The following CMTM6 variants were observed in gnomAD, a reference collection of about 807,000 sequenced individuals.
CMTM6 encodes the protein CKLF-like MARVEL transmembrane domain-containing protein 6.
A neutral mutation model predicts 13.6 loss-of-function variants in CMTM6; 5 were observed. That is an observed-to-expected ratio of 0.37 (90% CI 0.19 to 0.77). The LOEUF (loss-of-function observed/expected upper bound fraction) is 0.77. Among genes scored for constraint, CMTM6 ranks in the 30% least tolerant of loss-of-function variants. The pLI is 0.50. For synonymous variants in CMTM6, 99 were observed against 84.5 expected (o/e 1.17, Z -0.94); for missense variants, 196 against 218.6 (o/e 0.90, Z 0.65).
In CMTM6 at chr3:32,483,247, T is replaced by TA. The variant is rs1237565215; in HGVS notation, c.*712dup. ...ATGTGTTACAAAACAATCTTTTTTTTACTTGACATCAACAACCAAGGTGCA... is the reference window on the plus strand; with the variant it reads ...ATGTGTTACAAAACAATCTTTTTTTTAACTTGACATCAACAACCAAGGTGCA... On this transcript the variant is annotated 3_prime_UTR_variant, in exon 4 of 4. Transcript: ENST00000205636. 2 of 152,660 alleles carry TA rather than the reference T, an allele frequency of 1.3e-5. No individual in the cohort carries two copies. The highest frequency in any genetic ancestry group is 4.8e-5 in the African/African-American group (2 of 41,464). 9.5% of individuals were successfully genotyped at this position (152,660 alleles called of 1,614,324 possible).
chr3:32,486,535 C>T (rs1457736628), intron 3 of CMTM6, among the ~76,000 whole-genome samples: 1 of 152,176 alleles, frequency 6.6e-6, no homozygotes, highest in Non-Finnish European at 1.5e-5. Context: ...AGCATATGTA[C>T]AGCACTACCT....
Position 32,487,930 on chromosome 3 carries a change from G to T in CMTM6, c.414+8C>A. ...AAATAAGCAATGTTAAAAATACAAGGTACTTACAATTGCAGCAATCTCAGC... is the reference window on the plus strand; with the variant it reads ...AAATAAGCAATGTTAAAAATACAAGTTACTTACAATTGCAGCAATCTCAGC... On this transcript the variant is annotated splice_region_variant and intron_variant, in intron 3 of 3. Transcript: ENST00000205636. 1 of 1,590,746 alleles carries T rather than the reference G, an allele frequency of 6.3e-7. No homozygotes were observed. Among genetic ancestry groups the T allele is most frequent in the Non-Finnish European group, 8.6e-7 (1 of 1,160,108 alleles).
rs919892174 is a variant in CMTM6, at chr3:32,483,649, G to A, written c.*311C>T. 1.1e-5 allele frequency: 2 copies of A among 188,714 alleles called. No individual in the cohort carries two copies. The highest frequency in any genetic ancestry group is 2.2e-5 in the Non-Finnish European group (2 of 92,840). 11.7% of individuals were successfully genotyped at this position (188,714 alleles called of 1,614,324 possible). ...GCTAAGCCTAGTAAAAGAATGACCT[G>A]TAACAGAATGACAGAATCATTTATC... On this transcript the variant is annotated 3_prime_UTR_variant, in exon 4 of 4. Coordinates refer to ENST00000205636, the MANE Select transcript of CMTM6 (RefSeq NM_017801.3).
rs140233990 is a variant in CMTM6, at chr3:32,484,277, A to G, written c.415-180T>C. Among the ~76,000 whole-genome samples, 785 of 152,338 alleles carry G rather than the reference A, an allele frequency of 5.2e-3. 10 individuals carry two copies. The highest frequency in any genetic ancestry group is 0.018 in the African/African-American group (736 of 41,586). ...CATCAAAAAATGGAAAGAAGTTATA[A>G]AAGAAAAACTTCCAGAATAATGGCT... On this transcript the variant is annotated intron_variant, in intron 3 of 3. Coordinates refer to ENST00000205636, the MANE Select transcript of CMTM6 (RefSeq NM_017801.3).
chr3:32,489,411 G>C (rs1452912455), intron 2 of CMTM6, among the ~76,000 whole-genome samples: 1 of 152,018 alleles, frequency 6.6e-6, no homozygotes, highest in African/African-American at 2.4e-5. Context: ...AGCACTTTGG[G>C]AGGCCAAGAC....
rs979772345 is a variant in CMTM6, at chr3:32,481,891, G to A, written c.*2069C>T. 2 of 152,246 alleles carry A rather than the reference G, an allele frequency of 1.3e-5. No homozygotes were observed. The highest frequency in any genetic ancestry group is 1.3e-4 in the Admixed American group (2 of 15,294). 9.4% of individuals were successfully genotyped at this position (152,246 alleles called of 1,614,324 possible). A position where few individuals can be genotyped will look rare whatever the true frequency, so the allele number is the denominator to read the frequency against. On this transcript the variant is annotated 3_prime_UTR_variant, in exon 4 of 4. Coordinates refer to ENST00000205636, the MANE Select transcript of CMTM6 (RefSeq NM_017801.3). The stretch of plus-strand genomic sequence containing the variant: ...GAGGTGAAACCTCAGAACAAGCGGA[G>A]CTTAAGCTCAATGACAGTATGTTTT...
intron 1 of CMTM6, among the ~76,000 whole-genome samples, chr3:32,494,754 T>C (rs183896261): frequency 2.8e-4 from 42 of 152,070 alleles, no homozygotes; most frequent in Admixed American, 5.2e-4. Context: ...AAAAATCCAA[T>C]CTCAAAAGGT....
rs1032258414 is a variant in CMTM6, at chr3:32,482,505, CTA to C, written c.*1453_*1454del. ...GATGCACGGGCTCATCATCTTAACA[CTA>C]GAGTCCCAAGTCAAAACTCTAGGAG... On this transcript the variant is annotated 3_prime_UTR_variant, in exon 4 of 4. Coordinates refer to ENST00000205636, the MANE Select transcript of CMTM6 (RefSeq NM_017801.3). 9 of 152,138 alleles carry C rather than the reference CTA, an allele frequency of 5.9e-5. No individual in the cohort carries two copies. Among genetic ancestry groups the C allele is most frequent in the Admixed American group, 1.3e-4 (2 of 15,272 alleles). The allele number at this position is 152,138 out of a possible 1,614,324, so 9.4% of individuals were successfully genotyped here. A position where few individuals can be genotyped will look rare whatever the true frequency, so the allele number is the denominator to read the frequency against.
At chr3:32,488,293 T>A in intron 2 of CMTM6, 1 of 226,124 alleles carries the variant, frequency 4.4e-6, no homozygotes, top group Non-Finnish European at 8.6e-6. Context: ...AACAATCCCC[T>A]ATGCCAGGAG....
At position 32,483,827 on chromosome 3, in the gene CMTM6, C is replaced by T. The variant is rs1697178558; in HGVS notation, c.*133G>A. 2.2e-6 allele frequency: 2 copies of T among 897,082 alleles called. No individual in the cohort carries two copies. Among genetic ancestry groups the T allele is most frequent in the Non-Finnish European group, 1.5e-6 (1 of 645,440 alleles). The allele number at this position is 897,082 out of a possible 1,614,324, so 55.6% of individuals were successfully genotyped here. A position where few individuals can be genotyped will look rare whatever the true frequency, so the allele number is the denominator to read the frequency against. ...GACTGACACAATATTGATAAAACTG[C>T]CTTCTTGACCTTCCCCTTGCTCTCC... On this transcript the variant is annotated 3_prime_UTR_variant, in exon 4 of 4. Coordinates refer to ENST00000205636, the MANE Select transcript of CMTM6 (RefSeq NM_017801.3).
At chr3:32,487,605 T>G in intron 3 of CMTM6, 1 of 173,354 alleles carries the variant, frequency 5.8e-6, no homozygotes, top group East Asian at 1.5e-4. Flanking sequence ...TCTCCATACC[T>G]AGAAAACACC....
rs554218568 is a variant in CMTM6 at position 32,499,878 on chromosome 3, C to A, written c.138+2730G>T. Among the ~76,000 whole-genome samples, 9 of 151,416 alleles carry A rather than the reference C, an allele frequency of 5.9e-5. No homozygotes were observed. The South Asian group carries it at 1.9e-3, about 32-fold the overall frequency. ...TTCAATTCAGTTCTGTAATAGCAAA[C>A]CCCATGGAGCCTCAGAGGTTTGAAA... On this transcript the variant is annotated intron_variant, in intron 1 of 3. Transcript: ENST00000205636.
chr3:32,499,538 C>T (rs1468897299), intron 1 of CMTM6, among the ~76,000 whole-genome samples: 1 of 152,106 alleles, frequency 6.6e-6, no homozygotes, highest in Non-Finnish European at 1.5e-5. Flanking sequence ...TCAATTCTCC[C>T]CTTAAAACAA....
chr3:32,493,399 GAA>G (rs753282036), intron 1 of CMTM6, among the ~76,000 whole-genome samples: 3 of 152,132 alleles, frequency 2.0e-5, no homozygotes, highest in Non-Finnish European at 4.4e-5. Context: ...GGTCCTCACT[GAA>G]AAAAGAGTCA....
chr3:32,484,456 AGATGCGATAAGGAAAATAC>A (rs1387587262), intron 3 of CMTM6, among the ~76,000 whole-genome samples: 5 of 152,230 alleles, frequency 3.3e-5, no homozygotes, highest in African/African-American at 4.8e-5. Flanking sequence ...ATTGACCCAC[AGATGCGATAAGGAAAATAC>A]GTGACTAGGC....
intron 1 of CMTM6, among the ~76,000 whole-genome samples, chr3:32,495,987 C>A (rs1186656372): frequency 6.6e-6 from 1 of 151,912 alleles, no homozygotes; most frequent in Non-Finnish European, 1.5e-5. Flanking sequence ...GGCCTTCTGG[C>A]CAACCTGGTT....
chr3:32,486,323 A>C (rs1321038779), intron 3 of CMTM6, among the ~76,000 whole-genome samples: 3 of 152,222 alleles, frequency 2.0e-5, no homozygotes, highest in Non-Finnish European at 4.4e-5. Flanking sequence ...ACAATTCCGA[A>C]ACCCAAAGAA....
intron 1 of CMTM6, among the ~76,000 whole-genome samples, chr3:32,492,759 A>C (rs62252150): frequency 0.072 from 11,001 of 152,328 alleles, 517 homozygotes; most frequent in Middle Eastern, 0.14. Context: ...GGAACACAAG[A>C]TAACACATGT....
intron 3 of CMTM6, among the ~76,000 whole-genome samples, chr3:32,485,261 A>G (rs981282392): frequency 6.6e-6 from 1 of 152,070 alleles, no homozygotes; most frequent in African/African-American, 2.4e-5. Context: ...CATGCATTTA[A>G]GTCTATAAAA....
Sources: gnomAD v4.1 joint callset for allele counts (sites outside exome capture counted in the v4.1 genomes callset) on GRCh38, gnomAD v4.1.1 for gene constraint, MANE v1.5 for transcripts, NCBI Gene and HGNC (gene_info 2026-07-23, HGNC 2026-07-21) for gene names.